The following DNAAF4 variants were observed in gnomAD, a reference collection of about 807,000 sequenced individuals.
DNAAF4 encodes dynein assembly factor 4, axonemal.
In DNAAF4, 43 loss-of-function variants were observed where a neutral mutation model predicts 51.8. That is an observed-to-expected ratio of 0.83 (90% CI 0.65 to 1.07). The LOEUF (loss-of-function observed/expected upper bound fraction) is 1.07, where lower values mean the gene tolerates loss of function less well. DNAAF4 is among the 50% of genes least tolerant of loss of function. The pLI, the probability that DNAAF4 is intolerant of heterozygous loss-of-function variation, is 0.00. For missense variants in DNAAF4, 581 were observed against 493.0 expected (o/e 1.18, Z -1.69); for synonymous variants, 194 against 165.6 (o/e 1.17, Z -1.32).
intron 4 of DNAAF4, among the ~76,000 whole-genome samples, chr15:55,475,403 G>T (rs893353348): frequency 6.6e-6 from 1 of 152,182 alleles, no homozygotes; most frequent in Non-Finnish European, 1.5e-5. Flanking sequence ...AAGTATGAAA[G>T]GTAAGAAGCT....
At chr15:55,488,906 G>A (rs964596553) in intron 4 of DNAAF4, among the ~76,000 whole-genome samples, 1 of 152,072 alleles carries the variant, frequency 6.6e-6, no homozygotes, top group African/African-American at 2.4e-5. Flanking sequence ...GGCTAACACA[G>A]TGAAACCCTG....
intron 9 of DNAAF4, among the ~76,000 whole-genome samples, chr15:55,431,161 C>T (rs924731224): frequency 9.2e-5 from 14 of 152,136 alleles, no homozygotes; most frequent in African/African-American, 3.1e-4. Flanking sequence ...GATCCACCCA[C>T]CTTGGCCTCC....
intron 6 of DNAAF4, among the ~76,000 whole-genome samples, chr15:55,443,964 T>C (rs2057756481): frequency 1.3e-5 from 2 of 152,032 alleles, no homozygotes; most frequent in Admixed American, 6.6e-5. Flanking sequence ...GATGAGTAGA[T>C]TGCAAAAATT....
intron 7 of DNAAF4, among the ~76,000 whole-genome samples, chr15:55,420,495 A>G (rs766253274): frequency 2.0e-5 from 3 of 152,132 alleles, no homozygotes; most frequent in Non-Finnish European, 4.4e-5. Context: ...TAAATTTGTG[A>G]GTCATAAGGG....
At chr15:55,430,062 A>G (rs1329213209), downstream of DNAAF4, among the ~76,000 whole-genome samples, 1 of 152,198 alleles carries the variant, frequency 6.6e-6, no homozygotes, top group Middle Eastern at 3.2e-3. Context: ...TCTTCACCAG[A>G]TAGTGTTATG....
At chr15:55,480,644 C>A (rs1172369891) in intron 4 of DNAAF4, among the ~76,000 whole-genome samples, 4 of 152,068 alleles carry the variant, frequency 2.6e-5, no homozygotes, top group African/African-American at 9.7e-5. Flanking sequence ...AGCCACCCAA[C>A]TCATACCCTT....
At chr15:55,446,850 G>C (rs967204549) in intron 6 of DNAAF4, among the ~76,000 whole-genome samples, 1 of 148,356 alleles carries the variant, frequency 6.7e-6, no homozygotes, top group Non-Finnish European at 1.5e-5. Context: ...TGGCCGGGCA[G>C]AGGTGCTCCT....
downstream of DNAAF4, among the ~76,000 whole-genome samples, chr15:55,428,576 C>G (rs887346474): frequency 2.8e-5 from 4 of 143,482 alleles, no homozygotes; most frequent in Non-Finnish European, 6.0e-5. Flanking sequence ...CTCACTGCAA[C>G]CTCCGCCTCC....
chr15:55,420,211 A>G (rs2141379345), intron 7 of DNAAF4, among the ~76,000 whole-genome samples: 1 of 152,290 alleles, frequency 6.6e-6, no homozygotes, highest in Admixed American at 6.5e-5. Context: ...AGGAAACTAT[A>G]TGGATAAAAG....
At chr15:55,453,548 C>CTTTTT (rs1228330492) in intron 5 of DNAAF4, among the ~76,000 whole-genome samples, 4 of 115,676 alleles carry the variant, frequency 3.5e-5, no homozygotes, top group African/African-American at 6.8e-5. Context: ...AAAAACAGTT[C>CTTTTT]TTTTTTTTTT....
At position 55,478,714 on chromosome 15, in the gene DNAAF4, G is replaced by A. The variant is rs189680108; in HGVS notation, c.406-11553C>T. Reference sequence around the variant, plus strand: ...ATGACATATTTGACTTCAAAATTACGGAAATGACAAAGGTTACAATGACAA... The same window carrying A: ...ATGACATATTTGACTTCAAAATTACAGAAATGACAAAGGTTACAATGACAA... On this transcript the variant is annotated intron_variant, in intron 4 of 9. Coordinates refer to ENST00000321149, the MANE Select transcript of DNAAF4 (RefSeq NM_130810.4). 3.1e-3 allele frequency among the ~76,000 whole-genome samples: 479 copies of A among 152,194 alleles called. 4 individuals are homozygous for A. The highest frequency in any genetic ancestry group is 5.2e-3 in the Non-Finnish European group (356 of 68,012).
intron 4 of DNAAF4, among the ~76,000 whole-genome samples, chr15:55,471,932 C>T (rs1352464037): frequency 5.9e-5 from 9 of 152,178 alleles, no homozygotes; most frequent in African/African-American, 2.2e-4. Flanking sequence ...CTCCGCCTCT[C>T]GGGTTCAAGC....
chr15:55,501,537 G>A (rs374938715), intron 1 of DNAAF4, among the ~76,000 whole-genome samples: 3 of 147,022 alleles, frequency 2.0e-5, no homozygotes, highest in African/African-American at 7.5e-5. Flanking sequence ...CACCGCATCC[G>A]GCTGATTTTT....
chr15:55,467,396 G>A (rs778087672), intron 4 of DNAAF4, among the ~76,000 whole-genome samples: 15 of 152,086 alleles, frequency 9.9e-5, no homozygotes, highest in Non-Finnish European at 2.2e-4. Flanking sequence ...ACCATTAGCT[G>A]TATGGTCTTA....
chr15:55,427,722 G>A (rs1394123182), downstream of DNAAF4, among the ~76,000 whole-genome samples: 3 of 150,850 alleles, frequency 2.0e-5, no homozygotes, highest in Non-Finnish European at 2.9e-5. Flanking sequence ...CGCAACCTCC[G>A]CCTCCCGGGT....
At chr15:55,435,203 T>A in intron 7 of DNAAF4, 145 bp from the exon 8 acceptor site, 1 of 761,570 alleles carries the variant, frequency 1.3e-6, no homozygotes, top group South Asian at 2.1e-5. Flanking sequence ...TGAATCCATC[T>A]CTTTTCACAT....
chr15:55,470,498 T>C (rs1253782786), intron 4 of DNAAF4, among the ~76,000 whole-genome samples: 1 of 151,576 alleles, frequency 6.6e-6, no homozygotes, highest in African/African-American at 2.4e-5. Context: ...CCAAACCTCA[T>C]AGTTACAGGA....
At chr15:55,470,497 A>G (rs1038234235) in intron 4 of DNAAF4, among the ~76,000 whole-genome samples, 3 of 151,758 alleles carry the variant, frequency 2.0e-5, no homozygotes, top group African/African-American at 7.3e-5. Flanking sequence ...TCCAAACCTC[A>G]TAGTTACAGG....
chr15:55,420,351 G>A (rs1323224565), intron 7 of DNAAF4, among the ~76,000 whole-genome samples: 1 of 151,440 alleles, frequency 6.6e-6, no homozygotes, highest in Non-Finnish European at 1.5e-5. Flanking sequence ...ACTACACACA[G>A]ATTTATTTCA....
Sources: gnomAD v4.1 joint callset for allele counts (sites outside exome capture counted in the v4.1 genomes callset) on GRCh38, gnomAD v4.1.1 for gene constraint, MANE v1.5 for transcripts, NCBI Gene and HGNC (gene_info 2026-07-23, HGNC 2026-07-21) for gene names.